Variants in UST observed in about 807,000 individuals in gnomAD.
UST encodes uronyl 2-sulfotransferase, also known as chondroitin sulfate 2-O-sulfotransferase.
In UST, 21 loss-of-function variants were observed where a neutral mutation model predicts 45.6. The ratio of observed to expected loss-of-function variants is 0.46; its 90% CI spans 0.33 to 0.66. The LOEUF (loss-of-function observed/expected upper bound fraction) is 0.66. Among genes scored for constraint, UST ranks in the 30% least tolerant of loss-of-function variants. The pLI is 0.02. For synonymous variants in UST, 215 were observed against 200.6 expected, an observed-to-expected ratio of 1.07 and a Z score of -0.61; for missense variants, 463 against 512.4, an observed-to-expected ratio of 0.90 and a Z score of 0.93.
intron 1 of UST, among the ~76,000 whole-genome samples, chr6:148,800,252 A>G (rs918403094): frequency 2.0e-5 from 3 of 152,202 alleles, no homozygotes; most frequent in African/African-American, 7.2e-5. Flanking sequence ...CCAGCCTCAT[A>G]AGGATTTTGT....
rs1456737137 is a variant in UST, at chr6:149,034,847, TCTCTCTCTCTCTCTC to T, written c.937+13367_937+13381del. On this transcript the variant is annotated intron_variant, in intron 7 of 7. Coordinates refer to ENST00000367463, the MANE Select transcript of UST (RefSeq NM_005715.3). ...TATTCATGCTCATTCTCTCTCTCTC[TCTCTCTCTCTCTCTC>T]TCTCTCTCTCTCTCTCTCTCTCTCT... 1.5e-3 allele frequency among the ~76,000 whole-genome samples: 49 copies of T among 32,320 alleles called. 1 individual carries two copies. Among genetic ancestry groups the T allele is most frequent in the South Asian group, 2.9e-3 (2 of 680 alleles). 21.2% of individuals were successfully genotyped at this position (32,320 alleles called of 152,430 possible). A position where few individuals can be genotyped will look rare whatever the true frequency, so the allele number is the denominator to read the frequency against.
chr6:149,071,930 G>A (rs150172040), intron 7 of UST, among the ~76,000 whole-genome samples: 124 of 152,268 alleles, frequency 8.1e-4, no homozygotes, highest in African/African-American at 2.9e-3. Context: ...AGAAATTAGG[G>A]AAACCATTAG....
At chr6:148,922,624 G>A (rs1340155101) in intron 2 of UST, among the ~76,000 whole-genome samples, 2 of 125,938 alleles carry the variant, frequency 1.6e-5, no homozygotes, top group African/African-American at 6.9e-5. Flanking sequence ...CAGTACCTAG[G>A]AGTACCTAGG....
At position 149,054,974 on chromosome 6, in the gene UST, C is replaced by T. The variant is rs372296886; in HGVS notation, c.938-18859C>T. ...ATTGAACCTAAGACTCATGGTTTAT[C>T]GCATGAGAACCCACAGCTCTCACAG... is the stretch of plus-strand genomic sequence containing the variant. On this transcript the variant is annotated intron_variant, in intron 7 of 7. Coordinates refer to ENST00000367463, the MANE Select transcript of UST (RefSeq NM_005715.3). Among the ~76,000 whole-genome samples the T allele has an allele frequency of 3.9e-5, 6 of 152,220 alleles. No individual in the cohort carries two copies. In the East Asian group the frequency reaches 7.7e-4, roughly 20 times the overall value.
At chr6:149,033,476 G>T (rs890696119) in intron 7 of UST, among the ~76,000 whole-genome samples, 2 of 152,218 alleles carry the variant, frequency 1.3e-5, no homozygotes, top group Non-Finnish European at 2.9e-5. Flanking sequence ...GCACAGAATT[G>T]TGAAAGAATA....
chr6:148,840,623 C>T (rs1271533354), intron 1 of UST, among the ~76,000 whole-genome samples: 2 of 152,122 alleles, frequency 1.3e-5, no homozygotes, highest in South Asian at 2.1e-4. Context: ...GTCAGCCCTC[C>T]GCATCCACAA....
chr6:149,053,322 T>C (rs1776516009), intron 7 of UST, among the ~76,000 whole-genome samples: 1 of 152,194 alleles, frequency 6.6e-6, no homozygotes, highest in Non-Finnish European at 1.5e-5. Flanking sequence ...GTTAGTCTGT[T>C]AAAAAGAATT....
chr6:148,977,608 C>T (rs1430373192), intron 5 of UST, among the ~76,000 whole-genome samples: 6 of 151,942 alleles, frequency 3.9e-5, no homozygotes, highest in East Asian at 1.9e-4. Flanking sequence ...AAAAATTAGC[C>T]GGACGAGGTG....
In UST at chr6:148,797,352, T is replaced by A. The variant is rs1017838736; in HGVS notation, c.247+49675T>A. Among the ~76,000 whole-genome samples the A allele has an allele frequency of 2.6e-5, 4 of 152,124 alleles. No individual in the cohort carries two copies. In the East Asian group the frequency reaches 7.7e-4, roughly 29 times the overall value. ...CAAAACAACAGCAACAACAAAATAA[T>A]AGAAAGCACTATTTTATATGCTGCT... On this transcript the variant is annotated intron_variant, in intron 1 of 7. Coordinates refer to ENST00000367463, the MANE Select transcript of UST (RefSeq NM_005715.3).
intron 4 of UST, among the ~76,000 whole-genome samples, chr6:148,956,451 C>T (rs1200219338): frequency 6.6e-6 from 1 of 152,158 alleles, no homozygotes; most frequent in Non-Finnish European, 1.5e-5. Context: ...TTATTCGCTA[C>T]CACGAGAACA....
intron 2 of UST, among the ~76,000 whole-genome samples, chr6:148,916,117 G>T (rs1582895933): frequency 2.0e-5 from 3 of 152,248 alleles, no homozygotes; most frequent in Admixed American, 2.0e-4. Context: ...ATTTGAATAG[G>T]GACAGAATAA....
chr6:148,917,019 G>A (rs1267067280), intron 2 of UST, among the ~76,000 whole-genome samples: 2 of 152,174 alleles, frequency 1.3e-5, no homozygotes, highest in African/African-American at 4.8e-5. Flanking sequence ...CGACACCATG[G>A]CCTAGCCTTG....
intron 1 of UST, among the ~76,000 whole-genome samples, chr6:148,773,305 A>G (rs954915148): frequency 6.6e-6 from 1 of 152,102 alleles, no homozygotes; most frequent in Non-Finnish European, 1.5e-5. Context: ...TACCAAAAAT[A>G]CAAAAATTAG....
chr6:148,862,112 T>C (rs1336357743), intron 1 of UST, among the ~76,000 whole-genome samples: 2 of 152,168 alleles, frequency 1.3e-5, no homozygotes, highest in African/African-American at 4.8e-5. Flanking sequence ...AAGTCTCCCA[T>C]TATTATTGTG....
chr6:148,967,416 GTCT>G (rs949496593), intron 5 of UST, among the ~76,000 whole-genome samples: 77 of 152,304 alleles, frequency 5.1e-4, no homozygotes, highest in African/African-American at 1.6e-3. Flanking sequence ...TTAGAAGGCT[GTCT>G]TCTTGTTCAA....
At chr6:149,057,778 AACAAT>A (rs1325222329) in intron 7 of UST, among the ~76,000 whole-genome samples, 3 of 152,252 alleles carry the variant, frequency 2.0e-5, no homozygotes, top group African/African-American at 7.2e-5. Flanking sequence ...AAACTAAATA[AACAAT>A]ATAGCACAGA....
chr6:148,997,141 C>G (rs370107783), intron 5 of UST, among the ~76,000 whole-genome samples: 23 of 152,222 alleles, frequency 1.5e-4, no homozygotes, highest in African/African-American at 5.3e-4. Flanking sequence ...TGTTGGTTCA[C>G]TAAATGTATA....
chr6:148,962,121 G>A (rs562444820), intron 4 of UST, among the ~76,000 whole-genome samples: 1 of 152,352 alleles, frequency 6.6e-6, no homozygotes, highest in South Asian at 2.1e-4. Context: ...AACTTCTAGA[G>A]AGAGCCTACT....
chr6:149,016,587 A>G (rs972068090), intron 5 of UST, among the ~76,000 whole-genome samples: 12 of 152,212 alleles, frequency 7.9e-5, no homozygotes, highest in Non-Finnish European at 1.8e-4. Flanking sequence ...TGAGGGACCT[A>G]CAACCTAAAC....
Sources: gnomAD v4.1 joint callset for allele counts (sites outside exome capture counted in the v4.1 genomes callset) on GRCh38, gnomAD v4.1.1 for gene constraint, MANE v1.5 for transcripts, NCBI Gene and HGNC (gene_info 2026-07-23, HGNC 2026-07-21) for gene names.